Variants in PCTP observed in about 807,000 individuals in gnomAD.
PCTP encodes START domain-containing protein 2.
Under a neutral mutation model 31.0 loss-of-function variants are expected in PCTP, and 27 were observed. The ratio of observed to expected loss-of-function variants is 0.87; its 90% CI spans 0.64 to 1.20. The LOEUF is 1.20. Ranked by LOEUF, PCTP falls within the 50% of genes most tolerant of loss-of-function variation. The pLI is 0.00. For missense variants in PCTP, 287 were observed against 268.2 expected, an observed-to-expected ratio of 1.07 and a Z score of -0.49; for synonymous variants, 108 against 101.2, an observed-to-expected ratio of 1.07 and a Z score of -0.40.
downstream of PCTP, among the ~76,000 whole-genome samples, chr17:55,847,765 A>AG (rs939131951): frequency 6.6e-5 from 10 of 152,040 alleles, no homozygotes; most frequent in South Asian, 4.1e-4. Flanking sequence ...CCCTTGTTCA[A>AG]GGGGGGGTCA....
At chr17:55,821,920 G>A (rs756882355) in intron 3 of PCTP, among the ~76,000 whole-genome samples, 1 of 152,196 alleles carries the variant, frequency 6.6e-6, no homozygotes, top group Admixed American at 6.5e-5. Context: ...CTGGGGTGAG[G>A]TGTTGGCTCC....
At chr17:55,808,115 G>A (rs140209226) in intron 3 of PCTP, among the ~76,000 whole-genome samples, 3 of 152,260 alleles carry the variant, frequency 2.0e-5, no homozygotes, top group African/African-American at 7.2e-5. Flanking sequence ...CTGAGGTAGA[G>A]TACCTCAACT....
intron 5 of PCTP, among the ~76,000 whole-genome samples, chr17:55,830,173 GC>G (rs1905547974): frequency 6.6e-6 from 1 of 152,108 alleles, no homozygotes. Flanking sequence ...ATCAGTCTGG[GC>G]TAAAAAACCT....
intron 3 of PCTP, among the ~76,000 whole-genome samples, chr17:55,803,830 C>T (rs1912474659): frequency 6.7e-6 from 1 of 149,952 alleles, no homozygotes; most frequent in African/African-American, 2.5e-5. Flanking sequence ...ACACCAAAAG[C>T]AATTGCAACA....
chr17:55,779,814 A>G (rs1911494843), downstream of PCTP, among the ~76,000 whole-genome samples: 1 of 152,166 alleles, frequency 6.6e-6, no homozygotes, highest in Non-Finnish European at 1.5e-5. Flanking sequence ...CCCATACTTA[A>G]ATCAAGTTTC....
intron 3 of PCTP, among the ~76,000 whole-genome samples, chr17:55,794,456 T>G (rs1040285644): frequency 1.3e-5 from 2 of 152,022 alleles, no homozygotes; most frequent in Admixed American, 1.3e-4. Context: ...TTGGGTGTTT[T>G]TTTTTAAATT....
At chr17:55,850,619 C>T in the PCTP span, among the ~76,000 whole-genome samples, 1 of 152,156 alleles carries the variant, frequency 6.6e-6, no homozygotes, top group Non-Finnish European at 1.5e-5. Context: ...GAAGATCCAA[C>T]CAACTCCTGT....
At chr17:55,827,770 T>C (rs1428230785), downstream of PCTP, among the ~76,000 whole-genome samples, 1 of 152,204 alleles carries the variant, frequency 6.6e-6, no homozygotes, top group Non-Finnish European at 1.5e-5. Context: ...GTGTTTTCTT[T>C]TTTCAGTGAA....
intron 3 of PCTP, among the ~76,000 whole-genome samples, chr17:55,800,305 A>T (rs967419830): frequency 6.6e-5 from 10 of 151,650 alleles, no homozygotes; most frequent in African/African-American, 2.4e-4. Flanking sequence ...CTTGGTTTCA[A>T]ACTTTATTTC....
chr17:55,756,162 T>C (rs2960076), intron 1 of PCTP, among the ~76,000 whole-genome samples: 124,476 of 152,212 alleles, frequency 0.82, 54,620 homozygotes, highest in Non-Finnish European at 0.98. Flanking sequence ...ACTGTCTTCA[T>C]AGACCCTGGG....
chr17:55,760,304 AAGG>A (rs1277243000), intron 1 of PCTP, among the ~76,000 whole-genome samples: 16 of 152,218 alleles, frequency 1.1e-4, no homozygotes, highest in African/African-American at 3.9e-4. Context: ...AATCTGGAAA[AAGG>A]AGATTATCGT....
chr17:55,839,906 C>T (rs1356129957), intron 5 of PCTP, among the ~76,000 whole-genome samples: 1 of 97,302 alleles, frequency 1.0e-5, no homozygotes, highest in African/African-American at 4.2e-5. Context: ...GGCGACAGAG[C>T]GAGACTCAGT....
chr17:55,756,432 A>G (rs1218803729), intron 1 of PCTP, among the ~76,000 whole-genome samples: 1 of 152,192 alleles, frequency 6.6e-6, no homozygotes, highest in African/African-American at 2.4e-5. Flanking sequence ...TGGAAGTAAC[A>G]TTTGGCCGAT....
chr17:55,839,569 C>T (rs969945161), intron 5 of PCTP, among the ~76,000 whole-genome samples: 4 of 152,142 alleles, frequency 2.6e-5, no homozygotes, highest in Non-Finnish European at 4.4e-5. Context: ...GGTGGAAAAG[C>T]ATGGAGCTAA....
intron 5 of PCTP, among the ~76,000 whole-genome samples, chr17:55,833,827 G>C (rs1343672338): frequency 6.6e-6 from 1 of 152,144 alleles, no homozygotes; most frequent in African/African-American, 2.4e-5. Context: ...CCGTTCCTTA[G>C]TTTCATATCC....
intron 1 of PCTP, 82 bp downstream of exon 1, chr17:55,751,326 C>A (rs1260739049): frequency 1.3e-6 from 2 of 1,514,810 alleles, no homozygotes; most frequent in South Asian, 2.5e-5. Context: ...GGGCGGCAGT[C>A]GCGGAAGGGA....
At chr17:55,834,433 T>A (rs557867241) in intron 5 of PCTP, among the ~76,000 whole-genome samples, 1 of 152,144 alleles carries the variant, frequency 6.6e-6, no homozygotes, top group East Asian at 1.9e-4. Flanking sequence ...TCTCAGTCCA[T>A]GTGAGAAAAA....
chr17:55,799,117 C>T (rs1156650058), intron 3 of PCTP, among the ~76,000 whole-genome samples: 2 of 151,518 alleles, frequency 1.3e-5, no homozygotes, highest in Non-Finnish European at 2.9e-5. Flanking sequence ...GCAACAGCAG[C>T]TAGAGAGGAG....
At chr17:55,770,549 A>G (rs1910925262) in intron 2 of PCTP, 1 of 152,244 alleles carries the variant, frequency 6.6e-6, no homozygotes, top group South Asian at 2.1e-4. Flanking sequence ...TGATTATGCT[A>G]TAGAATGGCC....
Sources: allele counts gnomAD v4.1 joint callset (sites outside exome capture counted in the v4.1 genomes callset), GRCh38; gene constraint gnomAD v4.1.1; transcripts MANE v1.5; gene names NCBI Gene and HGNC (gene_info 2026-07-23, HGNC 2026-07-21).